CELF2: variants seen among roughly 807,000 people sequenced by gnomAD.
CELF2 encodes the protein CUG triplet repeat RNA-binding protein 2.
In CELF2, 8 loss-of-function variants were observed where a neutral mutation model predicts 62.6. The ratio of observed to expected loss-of-function variants is 0.13; its 90% confidence interval spans 0.07 to 0.23. The LOEUF is 0.23. Among genes scored for constraint, CELF2 ranks in the 10% least tolerant of loss-of-function variants. CELF2 has a pLI of 1.00. For missense variants in CELF2, 333 were observed against 671.0 expected (o/e 0.50, Z 5.56); for synonymous variants, 258 against 250.0 (o/e 1.03, Z -0.30).
chr10:10,638,182 G>A, the CELF2 span, among the ~76,000 whole-genome samples: 2 of 152,152 alleles, frequency 1.3e-5, no homozygotes, highest in Non-Finnish European at 2.9e-5. Context: ...GCCCCCAGGT[G>A]AGCATCCTTG....
the CELF2 span, among the ~76,000 whole-genome samples, chr10:10,547,928 T>G: frequency 8.3e-4 from 126 of 152,312 alleles, no homozygotes; most frequent in Non-Finnish European, 1.6e-3. Context: ...AATGCACAGA[T>G]GAACACCATC....
At chr10:11,254,983 A>G (rs900522010) in intron 4 of CELF2, among the ~76,000 whole-genome samples, 1 of 151,426 alleles carries the variant, frequency 6.6e-6, no homozygotes, top group Non-Finnish European at 1.5e-5. Flanking sequence ...GGCCTCCCCC[A>G]CCAGAATCCT....
At chr10:10,709,590 T>C in the CELF2 span, among the ~76,000 whole-genome samples, 1 of 152,166 alleles carries the variant, frequency 6.6e-6, no homozygotes, top group African/African-American at 2.4e-5. Flanking sequence ...TGAAGGTGGA[T>C]GAGACACAGA....
intron 3 of CELF2, among the ~76,000 whole-genome samples, chr10:11,231,685 GCTTT>G (rs1462920970): frequency 2.1e-5 from 3 of 146,110 alleles, no homozygotes; most frequent in East Asian, 2.0e-4. Flanking sequence ...GTATATGGTT[GCTTT>G]CTTTTTTTTT....
intron 1 of CELF2, among the ~76,000 whole-genome samples, chr10:10,825,702 A>C (rs575734371): frequency 6.6e-6 from 1 of 152,248 alleles, no homozygotes; most frequent in Admixed American, 6.5e-5. Flanking sequence ...TTCTCTGCAA[A>C]GTAATATAGC....
chr10:10,798,104 G>GT (rs2054269256), upstream of CELF2, among the ~76,000 whole-genome samples: 1 of 152,096 alleles, frequency 6.6e-6, no homozygotes, highest in Non-Finnish European at 1.5e-5. Context: ...GGGGAGCAGT[G>GT]TAGCAAAAAA....
rs1327346641 is a variant in CELF2, at chr10:11,321,810, T to C, written c.1294+424T>C. ...ATGAAGTTCTTGTCCATTGTATATT[T>C]ATATACCACTCTGGCTTTGTTGATA... is the stretch of plus-strand genomic sequence containing the variant. On this transcript the variant is annotated intron_variant, in intron 11 of 12. Transcript: ENST00000633077. The surrounding 1 kb of genome is among the most constrained non-coding windows in gnomAD (Gnocchi z 6.2). Among the ~76,000 whole-genome samples, 2 of 152,254 alleles carry C rather than the reference T, an allele frequency of 1.3e-5. No individual in the cohort carries two copies. Among genetic ancestry groups the C allele is most frequent in the African/African-American group, 4.8e-5 (2 of 41,460 alleles).
intron 2 of CELF2, among the ~76,000 whole-genome samples, chr10:11,210,539 T>A (rs546279161): frequency 6.6e-6 from 1 of 152,364 alleles, no homozygotes; most frequent in Non-Finnish European, 1.5e-5. Context: ...TGCTCCACAG[T>A]TCCCCATAAG....
At chr10:10,678,208 A>T in the CELF2 span, among the ~76,000 whole-genome samples, 1 of 152,132 alleles carries the variant, frequency 6.6e-6, no homozygotes, top group South Asian at 2.1e-4. Context: ...ATTATTTCCA[A>T]ATTGTGTTTT....
chr10:10,969,163 A>T (rs538557126), intron 2 of CELF2, among the ~76,000 whole-genome samples: 1 of 152,324 alleles, frequency 6.6e-6, no homozygotes, highest in African/African-American at 2.4e-5. Flanking sequence ...AGGCTGAGGC[A>T]AGAGAATCAC....
At chr10:10,841,768 A>G (rs1222468369) in intron 1 of CELF2, among the ~76,000 whole-genome samples, 3 of 152,018 alleles carry the variant, frequency 2.0e-5, no homozygotes. Flanking sequence ...TTGTCTTTAC[A>G]TTTAAACTTT....
intron 1 of CELF2, among the ~76,000 whole-genome samples, chr10:11,164,446 T>TA (rs1045206778): frequency 1.4e-4 from 21 of 152,206 alleles, no homozygotes; most frequent in Admixed American, 4.6e-4. Flanking sequence ...GGAGGACTGA[T>TA]ATGCAAAAGC....
intron 1 of CELF2, among the ~76,000 whole-genome samples, chr10:11,113,778 G>C (rs2055857549): frequency 6.6e-6 from 1 of 152,160 alleles, no homozygotes; most frequent in Non-Finnish European, 1.5e-5. Flanking sequence ...GTCCTGCCTA[G>C]TCTCCTCTGT....
the CELF2 span, among the ~76,000 whole-genome samples, chr10:10,676,376 C>T: frequency 6.6e-6 from 1 of 152,194 alleles, no homozygotes; most frequent in African/African-American, 2.4e-5. Context: ...TGATAAAACT[C>T]TAGCACATTA....
chr10:10,797,099 G>A (rs977191022), upstream of CELF2, among the ~76,000 whole-genome samples: 6 of 152,180 alleles, frequency 3.9e-5, no homozygotes, highest in African/African-American at 7.2e-5. Flanking sequence ...TGGGATAGGC[G>A]TTTGGAGTGG....
In CELF2 at chr10:11,267,070, G is replaced by C. The variant is rs553354499; in HGVS notation, c.618+393G>C. ...TAACAGCCTCCCACCCCAAATTACT[G>C]CTTGCCCTGTGCTAAGTCCCAGGGT... is the stretch of plus-strand genomic sequence containing the variant. On this transcript the variant is annotated intron_variant, in intron 6 of 12. Transcript: ENST00000633077. The surrounding 1 kb of genome is among the most constrained non-coding windows in gnomAD (Gnocchi z 4.4). 6.6e-6 allele frequency among the ~76,000 whole-genome samples: 1 copy of C among 152,186 alleles called. No individual in the cohort carries two copies. Among genetic ancestry groups the C allele is most frequent in the Non-Finnish European group, 1.5e-5 (1 of 68,020 alleles).
At chr10:10,665,583 G>A in the CELF2 span, among the ~76,000 whole-genome samples, 7 of 152,178 alleles carry the variant, frequency 4.6e-5, no homozygotes, top group Middle Eastern at 3.4e-3. Context: ...TTGCTATTTC[G>A]TAAGTATCCA....
At chr10:10,570,853 T>G in the CELF2 span, among the ~76,000 whole-genome samples, 24,568 of 151,978 alleles carry the variant, frequency 0.16, 2,308 homozygotes, top group East Asian at 0.25. Flanking sequence ...CAGGAAATGG[T>G]GGGAAAACAA....
rs560765697 is a variant in CELF2, at chr10:10,900,213, T to G, written c.54-19751T>G. 4.6e-5 allele frequency among the ~76,000 whole-genome samples: 7 copies of G among 152,318 alleles called. No individual in the cohort carries two copies. In the South Asian group the frequency reaches 1.5e-3, roughly 32 times the overall value. On this transcript the variant is annotated intron_variant, in intron 1 of 13. Transcript: ENST00000636488. ...TCAGAAAACTAAAAAGAGGGAATGCTTTCCAATTCATTCTATGAGACAAGC... is the reference window on the plus strand; with the variant it reads ...TCAGAAAACTAAAAAGAGGGAATGCGTTCCAATTCATTCTATGAGACAAGC...
Sources: gnomAD v4.1 joint callset for allele counts (sites outside exome capture counted in the v4.1 genomes callset) on GRCh38, gnomAD v4.1.1 for gene constraint, Gnocchi (gnomAD v3.1) non-coding constraint, MANE v1.5 for transcripts, NCBI Gene and HGNC (gene_info 2026-07-23, HGNC 2026-07-21) for gene names.